Variants in ARVCF observed in about 807,000 individuals in gnomAD.
The protein encoded by ARVCF is splicing regulator ARVCF.
ARVCF carries 66 observed loss-of-function variants against 90.9 expected under a neutral mutation model. The observed-to-expected ratio is 0.73, with a 90% CI of 0.60 to 0.89. ARVCF has a LOEUF of 0.89. Among genes scored for constraint, ARVCF ranks in the 40% least tolerant of loss-of-function variants. The probability of loss-of-function intolerance (pLI) is 0.00; values close to 1 mark genes in which losing one functional copy is unlikely to be tolerated. For synonymous variants in ARVCF, 653 were observed against 603.4 expected (o/e 1.08, Z -1.21); for missense variants, 1,469 against 1,382.3 (o/e 1.06, Z -1.00).
Position 19,973,719 on chromosome 22 carries a change from C to T in ARVCF, c.2163G>A (p.Glu721=), listed in dbSNP as rs1401026415. The change falls in exon 13 of 20, where the codon GAG becomes GAA. Residue 721 remains glutamate, a synonymous_variant. Coordinates refer to ENST00000263207, the MANE Select transcript of ARVCF (RefSeq NM_001670.3). ...LPVLVELLQS[E]TDKVVRAVAI... is the part of the protein sequence containing the mutation. ...CGACGGCGCGCACCACCTTGTCGGTCTCAGACTGCAGCAGTTCCACAAGCA... is the reference window on the plus strand; with the variant it reads ...CGACGGCGCGCACCACCTTGTCGGTTTCAGACTGCAGCAGTTCCACAAGCA... The T allele has an allele frequency of 3.1e-6, 5 of 1,609,840 alleles. No individual in the cohort carries two copies. Among genetic ancestry groups the T allele is most frequent in the Non-Finnish European group, 4.2e-6 (5 of 1,179,950 alleles).
rs780336455 is a variant in ARVCF at position 19,979,955 on chromosome 22, C to T, written c.1184G>A (p.Arg395His). 1.3e-5 allele frequency: 20 copies of T among 1,595,194 alleles called. No individual in the cohort carries two copies. Among genetic ancestry groups the T allele is most frequent in the African/African-American group, 1.1e-4 (8 of 74,600 alleles). Residue 395 changes from arginine to histidine, a missense_variant, in exon 6 of 20, where the codon CGT (arginine) becomes CAT (histidine). Transcript: ENST00000263207. ...CGGCAGCCCCCGCAACTGCCGTACA[C>T]GCCGCTTGACACCCTCGTTCTCAAA... ...LCFENEGVKR[R>H]VRQLRGLPLL...
intron 2 of ARVCF, among the ~76,000 whole-genome samples, chr22:20,000,160 G>GA (rs1944394690): frequency 6.6e-6 from 1 of 152,158 alleles, no homozygotes. Context: ...ATGAAGTAGA[G>GA]CCCACCCTGT....
chr22:20,002,119 A>G (rs2073742), intron 2 of ARVCF, among the ~76,000 whole-genome samples: 45,578 of 152,230 alleles, frequency 0.3, 8,346 homozygotes, highest in African/African-American at 0.51. Flanking sequence ...CAACGGGGCT[A>G]TCAGCGTCAG....
intron 2 of ARVCF, among the ~76,000 whole-genome samples, chr22:19,997,632 C>T (rs1012028523): frequency 6.6e-6 from 1 of 152,218 alleles, no homozygotes; most frequent in Non-Finnish European, 1.5e-5. Context: ...GGGCCACATT[C>T]TCTGGGCTCC....
At chr22:19,968,927 C>T (rs561135670), downstream of ARVCF, 5 of 599,502 alleles carry the variant, frequency 8.3e-6, no homozygotes, top group South Asian at 3.9e-5. Flanking sequence ...AAGACTCAAT[C>T]ATGACTTCTT....
chr22:19,997,387 ATCCAGCAGGTCACAGAC>A (rs1944292904), intron 2 of ARVCF, among the ~76,000 whole-genome samples: 1 of 152,150 alleles, frequency 6.6e-6, no homozygotes, highest in Non-Finnish European at 1.5e-5. Flanking sequence ...AAGATTCTCA[ATCCAGCAGGTCACAGAC>A]ACCTGCTCCC....
At chr22:19,975,593 C>T (rs902027904) in intron 11 of ARVCF, 93 bp downstream of exon 11, 15 of 1,458,898 alleles carry the variant, frequency 1.0e-5, no homozygotes, top group Middle Eastern at 1.8e-4. Flanking sequence ...CTGAGGCCCT[C>T]CAGGCCTGCT....
chr22:19,977,911 A>G lies in ARVCF; in HGVS notation c.1698+47T>C, dbSNP rs372380409. ...GTTCCAGCCTCCTGGGACCTGCATG[A>G]TCGTCTCTCCAGCCCTTGGTATGAG... On this transcript the variant is annotated intron_variant, in intron 8 of 19. Coordinates refer to ENST00000263207, the MANE Select transcript of ARVCF (RefSeq NM_001670.3). 8 of 1,544,360 alleles carry G rather than the reference A, an allele frequency of 5.2e-6. No homozygotes were observed. The East Asian group carries it at 1.8e-4, about 35-fold the overall frequency.
chr22:19,981,469 G>A lies in ARVCF; in HGVS notation c.638C>T (p.Pro213Leu). 1.3e-6 allele frequency: 2 copies of A among 1,545,914 alleles called. No individual in the cohort carries two copies. Among genetic ancestry groups the A allele is most frequent in the African/African-American group, 1.4e-5 (1 of 73,384 alleles). The change falls in exon 5 of 20, where the codon CCA (proline) becomes CTA (leucine). Residue 213 changes from proline to leucine, a missense_variant. Physicochemically the swap from Pro to Leu is moderately conservative, Grantham distance 98. Coordinates refer to ENST00000263207, the MANE Select transcript of ARVCF (RefSeq NM_001670.3). Reference sequence around the variant, plus strand: ...GCCTGGGCCAAGGGGGCCAGCACGTGGGGGCCGCATGCCCAGCCCTCGGGA... The same window carrying A: ...GCCTGGGCCAAGGGGGCCAGCACGTAGGGGCCGCATGCCCAGCCCTCGGGA... ...SLSRGLGMRPPRAGPLGPGPG... is the reference protein window; with the variant it reads ...SLSRGLGMRPLRAGPLGPGPG...
chr22:19,988,051 C>G (rs1469406100), intron 3 of ARVCF, among the ~76,000 whole-genome samples: 1 of 152,170 alleles, frequency 6.6e-6, no homozygotes, highest in Non-Finnish European at 1.5e-5. Context: ...TGAGACCAAC[C>G]CAGGGAGACT....
At chr22:19,988,920 A>C (rs1440546788) in intron 3 of ARVCF, among the ~76,000 whole-genome samples, 3 of 152,102 alleles carry the variant, frequency 2.0e-5, no homozygotes, top group Admixed American at 6.5e-5. Flanking sequence ...GAGGTCTTGA[A>C]GTCTTTTGCC....
intron 2 of ARVCF, among the ~76,000 whole-genome samples, chr22:19,998,655 G>A (rs148403538): frequency 2.0e-5 from 3 of 152,310 alleles, no homozygotes; most frequent in African/African-American, 4.8e-5. Flanking sequence ...AACACACTCT[G>A]CTTAGATAAG....
In ARVCF at chr22:20,005,358, T is replaced by TA. The variant is rs1944582838; in HGVS notation, c.-19+5096dup. Among the ~76,000 whole-genome samples the TA allele has an allele frequency of 2.0e-5, 3 of 148,174 alleles. No homozygotes were observed. In the South Asian group the frequency reaches 6.6e-4, roughly 32 times the overall value. On this transcript the variant is annotated intron_variant, in intron 2 of 19. Transcript: ENST00000263207. ...CAATGAAATATCACCTTACACCTAT[T>TA]AGGATGGCTAGTCTAAAAAAAAAAA...
rs1416653918 is a variant in ARVCF at position 19,971,990 on chromosome 22, G to A, written c.2696-19C>T. 5 of 1,586,940 alleles carry A rather than the reference G, an allele frequency of 3.2e-6. No individual in the cohort carries two copies. Among genetic ancestry groups the A allele is most frequent in the African/African-American group, 1.3e-5 (1 of 74,570 alleles). ...TATCCGTCTGTAGATGGGGTAAGGTGGGGCATGAGGGGCGCTCTGAGGGAG... is the reference window on the plus strand; with the variant it reads ...TATCCGTCTGTAGATGGGGTAAGGTAGGGCATGAGGGGCGCTCTGAGGGAG... On this transcript the variant is annotated intron_variant, in intron 17 of 19. Coordinates refer to ENST00000263207, the MANE Select transcript of ARVCF (RefSeq NM_001670.3).
intron 2 of ARVCF, among the ~76,000 whole-genome samples, chr22:20,006,419 T>C (rs1291059529): frequency 1.3e-5 from 2 of 151,174 alleles, no homozygotes; most frequent in East Asian, 4.0e-4. Context: ...CTACTAAAAG[T>C]ACAAAAAAAA....
intron 3 of ARVCF, among the ~76,000 whole-genome samples, chr22:19,988,347 C>G (rs1044664710): frequency 2.6e-5 from 4 of 152,212 alleles, no homozygotes; most frequent in African/African-American, 9.6e-5. Context: ...CGCAGAAGAC[C>G]AGACACTGCG....
chr22:19,981,653 C>T lies in ARVCF; in HGVS notation c.454G>A (p.Gly152Ser), dbSNP rs192066432. ...GPDGLPLLDG[G>S]PPLGPFADGA... ...TCTGCAAAAGGGCCTAGTGGGGGGC[C>T]GCCATCCAGCAGGGGGAGTCCATCT... Residue 152 changes from glycine (G) to serine (S), a missense_variant, in exon 5 of 20, where the codon GGC (glycine) becomes AGC (serine). Physicochemically the swap from Gly to Ser is moderately conservative, Grantham distance 56. Coordinates refer to ENST00000263207, the MANE Select transcript of ARVCF (RefSeq NM_001670.3). 1.2e-5 allele frequency: 20 copies of T among 1,609,322 alleles called. No individual in the cohort carries two copies. The highest frequency in any genetic ancestry group is 6.7e-5 in the African/African-American group (5 of 74,856).
Position 19,980,170 on chromosome 22 carries a change from C to A in ARVCF, c.969G>T (p.Ala323=). The stretch of plus-strand genomic sequence containing the variant: ...TGCCCCGTTCAGGCTGGGCCAGGGG[C>A]GCCGTCACCATTGGGAACGCAGGCC... ...DERPAFPMVT[A]PLAQPERGSM... Residue 323 remains alanine, a synonymous_variant, in exon 6 of 20, where the codon GCG becomes GCT. Transcript: ENST00000263207. 1 of 1,578,290 alleles carries A rather than the reference C, an allele frequency of 6.3e-7. No individual in the cohort carries two copies.
At position 19,973,134 on chromosome 22, in the gene ARVCF, G is replaced by A. The variant is rs1002091670; in HGVS notation, c.2423C>T (p.Ala808Val). The A allele has an allele frequency of 6.2e-7, 1 of 1,606,672 alleles. No homozygotes were observed. Among genetic ancestry groups the A allele is most frequent in the Non-Finnish European group, 8.5e-7 (1 of 1,177,434 alleles). ...CCCTCCACACCTGGAGGCCACGAGA[G>A]CCACCAACGCTGGCACCCCGCGTGC... Reference protein sequence around the residue: ...LQARGVPALVALVASSQSVRE... With the variant: ...LQARGVPALVVLVASSQSVRE... Residue 808 changes from alanine to valine, a missense_variant, in exon 14 of 20, where the codon GCT (alanine) becomes GTT (valine). Coordinates refer to ENST00000263207, the MANE Select transcript of ARVCF (RefSeq NM_001670.3).
Sources: allele counts gnomAD v4.1 joint callset (sites outside exome capture counted in the v4.1 genomes callset), GRCh38; gene constraint gnomAD v4.1.1; transcripts MANE v1.5; gene names NCBI Gene and HGNC (gene_info 2026-07-23, HGNC 2026-07-21).